Variants in RYR2 observed in about 807,000 individuals in gnomAD.
The protein encoded by RYR2 is cardiac muscle ryanodine receptor-calcium release channel.
Under a neutral mutation model 601.1 loss-of-function variants are expected in RYR2, and 227 were observed. The ratio of observed to expected loss-of-function variants is 0.38; its 90% CI spans 0.34 to 0.42. RYR2 has a LOEUF of 0.42. Ranked by LOEUF, RYR2 falls within the 10% of genes least tolerant of loss-of-function variation. The probability of loss-of-function intolerance (pLI) is 1.00; values close to 1 mark genes in which losing one functional copy is unlikely to be tolerated. For synonymous variants in RYR2, 2,223 were observed against 2,175.1 expected, an observed-to-expected ratio of 1.02 and a Z score of -0.61; for missense variants, 4,646 against 6,156.5, an observed-to-expected ratio of 0.75 and a Z score of 8.21.
At position 237,783,823 on chromosome 1, in the gene RYR2, C is replaced by A; in HGVS notation, c.12111C>A (p.Pro4037=). Residue 4037 remains proline, a synonymous_variant, in exon 90 of 105, where the codon CCC becomes CCA. Coordinates refer to ENST00000366574, the MANE Select transcript of RYR2 (RefSeq NM_001035.3). ...TSSDTFKEYD[P]DGKGVISKRD... ...CTGATACTTTTAAAGAATATGACCC[C>A]GATGGCAAGGGAGTCATTTCCAAGA... 6.2e-7 allele frequency: 1 copy of A among 1,613,760 alleles called. No homozygotes were observed. The highest frequency in any genetic ancestry group is 8.5e-7 in the Non-Finnish European group (1 of 1,179,850).
At chr1:237,573,355 T>C (rs1172567162) in intron 29 of RYR2, among the ~76,000 whole-genome samples, 1 of 151,794 alleles carries the variant, frequency 6.6e-6, no homozygotes, top group Non-Finnish European at 1.5e-5. Context: ...GCCAAGTATA[T>C]TTTGACCTTT....
chr1:237,251,578 T>C (rs1161527222), intron 1 of RYR2, among the ~76,000 whole-genome samples: 6 of 152,236 alleles, frequency 3.9e-5, no homozygotes, highest in Admixed American at 3.9e-4. Flanking sequence ...ATAATGTTGG[T>C]GTGCACCAGG....
chr1:237,589,906 C>A lies in RYR2; in HGVS notation c.3712C>A (p.Pro1238Thr). 6.2e-7 allele frequency: 1 copy of A among 1,613,870 alleles called. No individual in the cohort carries two copies. Among genetic ancestry groups the A allele is most frequent in the East Asian group, 2.2e-5 (1 of 44,838 alleles). The change falls in exon 30 of 105, where the codon CCA (proline) becomes ACA (threonine). Residue 1238 changes from proline (P) to threonine (T), a missense_variant. Coordinates refer to ENST00000366574, the MANE Select transcript of RYR2 (RefSeq NM_001035.3). ...TICGLQEGYE[P>T]FAVNTNRDIT... ...CTGTGGCTTACAAGAGGGCTATGAA[C>A]CATTTGCCGTTAATACAAACAGGGA... is the stretch of plus-strand genomic sequence containing the variant.
At chr1:237,080,069 T>A (rs1334583608) in intron 1 of RYR2, among the ~76,000 whole-genome samples, 1 of 84,734 alleles carries the variant, frequency 1.2e-5, no homozygotes, top group East Asian at 2.9e-4. Context: ...GAAAACTGGC[T>A]AGTCATATGT....
At chr1:237,104,557 G>T (rs1165810349) in intron 1 of RYR2, among the ~76,000 whole-genome samples, 1 of 152,150 alleles carries the variant, frequency 6.6e-6, no homozygotes, top group East Asian at 1.9e-4. Context: ...GGCTTTGCAG[G>T]TGCTGTTCCC....
chr1:237,720,049 A>G (rs1292575062), intron 73 of RYR2, among the ~76,000 whole-genome samples: 1 of 152,208 alleles, frequency 6.6e-6, no homozygotes, highest in African/African-American at 2.4e-5. Flanking sequence ...GGTGGGTGAA[A>G]GAATTGTTAG....
chr1:237,530,344 A>T, intron 24 of RYR2, 83 bp from the exon 25 acceptor site: 1 of 988,666 alleles, frequency 1.0e-6, no homozygotes, highest in Non-Finnish European at 1.6e-6. Flanking sequence ...TCAAGGTTGT[A>T]TCTCATTGCT....
At chr1:237,581,066 T>C (rs1304744716) in intron 29 of RYR2, among the ~76,000 whole-genome samples, 2 of 152,224 alleles carry the variant, frequency 1.3e-5, no homozygotes, top group Non-Finnish European at 2.9e-5. Context: ...TATTCTCAAT[T>C]TATTCTTACG....
At position 237,634,984 on chromosome 1, in the gene RYR2, C is replaced by G. The variant is rs780524488; in HGVS notation, c.6784C>G (p.Leu2262Val). The G allele has an allele frequency of 1.9e-6, 3 of 1,590,162 alleles. No individual in the cohort carries two copies. The highest frequency in any genetic ancestry group is 3.5e-5 in the Admixed American group (2 of 57,108). Residue 2262 changes from leucine (L) to valine (V), a missense_variant, in exon 44 of 105, where the codon CTA becomes GTA. This residue lies in a region of RYR2 where 137 missense variants were observed against 273.6 expected (regional missense o/e 0.50). Transcript: ENST00000366574. ...AGCATTAGCTCTGCGTGAGCCGGAT[C>G]TAGAAAAGGTGAGCAATGTTCCTGC... Reference protein sequence around the residue: ...ELALALREPDLEKVVRYLAGC... With the variant: ...ELALALREPDVEKVVRYLAGC...
At chr1:237,491,284 G>A (rs182108495) in intron 17 of RYR2, among the ~76,000 whole-genome samples, 14 of 152,052 alleles carry the variant, frequency 9.2e-5, no homozygotes, top group Admixed American at 5.2e-4. Flanking sequence ...AAACCTCAAG[G>A]AGAATGTCAT....
intron 84 of RYR2, among the ~76,000 whole-genome samples, chr1:237,767,253 G>A (rs1237694304): frequency 2.0e-5 from 3 of 152,150 alleles, no homozygotes; most frequent in African/African-American, 4.8e-5. Context: ...TATAGTATAT[G>A]TAATGATAAT....
intron 25 of RYR2, among the ~76,000 whole-genome samples, chr1:237,542,260 A>AT (rs1323880138): frequency 2.0e-5 from 3 of 151,690 alleles, no homozygotes; most frequent in Non-Finnish European, 2.9e-5. Context: ...CACCCAGCTA[A>AT]TTTTGTATTT....
chr1:237,139,223 T>C (rs971017739), intron 1 of RYR2, among the ~76,000 whole-genome samples: 6 of 152,102 alleles, frequency 3.9e-5, no homozygotes, highest in African/African-American at 9.7e-5. Flanking sequence ...CTACCATATA[T>C]ACTACCACAT....
At chr1:237,587,056 G>A (rs116323868) in intron 29 of RYR2, among the ~76,000 whole-genome samples, 2 of 152,214 alleles carry the variant, frequency 1.3e-5, no homozygotes, top group African/African-American at 2.4e-5. Context: ...ATTAGACCAC[G>A]AGCACGTTTT....
At chr1:237,643,193 G>A (rs1681748992) in intron 47 of RYR2, 134 bp from the exon 48 acceptor site, 2 of 1,045,784 alleles carry the variant, frequency 1.9e-6, no homozygotes, top group East Asian at 2.5e-5. Context: ...CTATTTCTGA[G>A]AGAGGCATAA....
chr1:237,742,270 C>CCT lies in RYR2; in HGVS notation c.11092-26_11092-25insCT, dbSNP rs746171474. 8.0e-3 allele frequency: 9,318 copies of CCT among 1,171,370 alleles called. 10 individuals are homozygous for CCT. Among genetic ancestry groups the CCT allele is most frequent in the Non-Finnish European group, 9.1e-3 (7,783 of 854,988 alleles). 72.6% of individuals were successfully genotyped at this position (1,171,370 alleles called of 1,614,324 possible). A position where few individuals can be genotyped will look rare whatever the true frequency, so the allele number is the denominator to read the frequency against. Reference sequence around the variant, plus strand: ...TAAAATCTCAACATATTCCTGTCTCCTTTTTTTTTTTTTTTAAATATACAG... The same window carrying CCT: ...TAAAATCTCAACATATTCCTGTCTCCCTTTTTTTTTTTTTTTTAAATATACAG... On this transcript the variant is annotated intron_variant, in intron 79 of 104. Transcript: ENST00000366574.
rs1483058954 is a variant in RYR2, at chr1:237,670,291, CTG to C, written c.8590+2336_8590+2337del. Among the ~76,000 whole-genome samples, 5 of 108,480 alleles carry C rather than the reference CTG, an allele frequency of 4.6e-5. No individual in the cohort carries two copies. The South Asian group carries it at 1.0e-3, about 22-fold the overall frequency. The allele number at this position is 108,480 out of a possible 152,430, so 71.2% of individuals were successfully genotyped here. A position where few individuals can be genotyped will look rare whatever the true frequency, so the allele number is the denominator to read the frequency against. ...GAGGGAGACCGTGGGGAGAGGGAGA[CTG>C]TGGGGAGAGGGAGACTGGAGAGGGA... On this transcript the variant is annotated intron_variant, in intron 58 of 104. Transcript: ENST00000366574.
chr1:237,266,546 T>C (rs1040484180), intron 1 of RYR2, among the ~76,000 whole-genome samples: 4 of 152,216 alleles, frequency 2.6e-5, no homozygotes, highest in Non-Finnish European at 5.9e-5. Flanking sequence ...TGCTCTGAGA[T>C]GAATGATGGG....
intron 76 of RYR2, among the ~76,000 whole-genome samples, chr1:237,728,991 A>G (rs556514356): frequency 1.3e-5 from 2 of 151,888 alleles, no homozygotes; most frequent in South Asian, 4.2e-4. Flanking sequence ...TCACATTATC[A>G]TTTCTTTTTG....
Sources: allele counts gnomAD v4.1 joint callset (sites outside exome capture counted in the v4.1 genomes callset), GRCh38; gene constraint gnomAD v4.1.1; regional missense constraint gnomAD v4.1.1; transcripts MANE v1.5; gene names NCBI Gene and HGNC (gene_info 2026-07-23, HGNC 2026-07-21).